PXDNL: variants seen among roughly 807,000 people sequenced by gnomAD.
PXDNL encodes the protein probable oxidoreductase PXDNL.
Under a neutral mutation model 150.8 loss-of-function variants are expected in PXDNL, and 145 were observed. The observed-to-expected ratio is 0.96, with a 90% CI of 0.84 to 1.10. The LOEUF (loss-of-function observed/expected upper bound fraction) is 1.10, where lower values mean the gene tolerates loss of function less well. Ranked by LOEUF, PXDNL falls within the 50% of genes least tolerant of loss-of-function variation. PXDNL has a pLI of 0.00. For synonymous variants in PXDNL, 757 were observed against 725.7 expected (o/e 1.04, Z -0.69); for missense variants, 2,087 against 1,873.9 (o/e 1.11, Z -2.10).
At chr8:51,379,179 CTTG>C (rs1000725100) in intron 17 of PXDNL, among the ~76,000 whole-genome samples, 6 of 152,038 alleles carry the variant, frequency 3.9e-5, no homozygotes, top group East Asian at 3.9e-4. Context: ...GCTCCGATAA[CTTG>C]TTATTTTCAA....
intron 1 of PXDNL, among the ~76,000 whole-genome samples, chr8:51,743,165 G>A (rs1350977182): frequency 1.3e-5 from 2 of 152,100 alleles, no homozygotes; most frequent in South Asian, 2.1e-4. Context: ...GGAAATCCAC[G>A]TGAGAGCCAA....
chr8:51,583,684 G>A (rs1470838019), intron 3 of PXDNL, among the ~76,000 whole-genome samples: 1 of 152,132 alleles, frequency 6.6e-6, no homozygotes, highest in Non-Finnish European at 1.5e-5. Flanking sequence ...GCCTAGTATA[G>A]TACTTCCATG....
Position 51,411,243 on chromosome 8 carries a change from GGCTGA to G in PXDNL, c.2062+2_2062+6del. On this transcript the variant is annotated splice_donor_variant and splice_donor_5th_base_variant and intron_variant, in intron 16 of 22. Transcript: ENST00000356297. LOFTEE classifies it high-confidence loss of function. ...TAGGCTGAGAATAAAATGGCTTTGTGGCTGACCTTTGCCTTCCAAGTCCACAGTGA... is the reference window on the plus strand; with the variant it reads ...TAGGCTGAGAATAAAATGGCTTTGTGCCTTTGCCTTCCAAGTCCACAGTGA... 6.9e-7 allele frequency: 1 copy of G among 1,447,462 alleles called. No individual in the cohort carries two copies. The highest frequency in any genetic ancestry group is 9.1e-7 in the Non-Finnish European group (1 of 1,098,552). 89.7% of individuals were successfully genotyped at this position (1,447,462 alleles called of 1,614,324 possible). A position where few individuals can be genotyped will look rare whatever the true frequency, so the allele number is the denominator to read the frequency against.
chr8:51,488,200 A>G (rs1043587193), intron 5 of PXDNL, among the ~76,000 whole-genome samples: 1 of 152,218 alleles, frequency 6.6e-6, no homozygotes, highest in Non-Finnish European at 1.5e-5. Flanking sequence ...AGAATGTGGA[A>G]GTTCACCAAC....
At chr8:51,695,224 G>GT (rs953934795) in intron 1 of PXDNL, among the ~76,000 whole-genome samples, 11 of 152,000 alleles carry the variant, frequency 7.2e-5, no homozygotes, top group African/African-American at 2.7e-4. Flanking sequence ...AATCAATATA[G>GT]TTTTTTGCTT....
chr8:51,574,239 C>T (rs953104268), intron 3 of PXDNL, among the ~76,000 whole-genome samples: 2 of 151,844 alleles, frequency 1.3e-5, no homozygotes, highest in African/African-American at 4.8e-5. Context: ...CAAACAGAAA[C>T]TTTAGAACTG....
At chr8:51,342,620 C>T (rs923788353) in intron 20 of PXDNL, among the ~76,000 whole-genome samples, 8 of 152,090 alleles carry the variant, frequency 5.3e-5, no homozygotes, top group Non-Finnish European at 1.0e-4. Context: ...ATGCCCTCTG[C>T]CTGGGAGCAG....
intron 1 of PXDNL, among the ~76,000 whole-genome samples, chr8:51,786,050 T>C (rs906990538): frequency 2.6e-5 from 4 of 151,918 alleles, no homozygotes; most frequent in Non-Finnish European, 5.9e-5. Context: ...CCACCAACCA[T>C]CCCCGCTTCA....
chr8:51,401,467 G>GTTTGA (rs1808247034), intron 17 of PXDNL, among the ~76,000 whole-genome samples: 1 of 152,154 alleles, frequency 6.6e-6, no homozygotes, highest in Non-Finnish European at 1.5e-5. Context: ...GCCCAGCTAT[G>GTTTGA]TTTGAGCAGC....
chr8:51,721,038 C>T (rs1816720914), intron 1 of PXDNL, among the ~76,000 whole-genome samples: 1 of 152,218 alleles, frequency 6.6e-6, no homozygotes. Flanking sequence ...GAAGCACTGT[C>T]TCAGAGGCTG....
intron 4 of PXDNL, among the ~76,000 whole-genome samples, chr8:51,544,159 T>C (rs1183703104): frequency 6.6e-6 from 1 of 152,196 alleles, no homozygotes; most frequent in East Asian, 1.9e-4. Flanking sequence ...TAAAAGTTCA[T>C]TATATCCTCT....
intron 17 of PXDNL, among the ~76,000 whole-genome samples, chr8:51,377,273 C>CAA (rs1807352518): frequency 7.0e-6 from 1 of 143,428 alleles, no homozygotes; most frequent in Non-Finnish European, 1.5e-5. Context: ...TTTTTTTTTT[C>CAA]TTTTTAAGAG....
At chr8:51,372,501 C>A (rs1807155299) in intron 18 of PXDNL, among the ~76,000 whole-genome samples, 1 of 152,236 alleles carries the variant, frequency 6.6e-6, no homozygotes, top group Non-Finnish European at 1.5e-5. Context: ...TCTCCTGCCT[C>A]AGCCTCCCAA....
At chr8:51,454,018 G>A (rs1448082771) in intron 9 of PXDNL, among the ~76,000 whole-genome samples, 1 of 152,012 alleles carries the variant, frequency 6.6e-6, no homozygotes, top group Non-Finnish European at 1.5e-5. Flanking sequence ...TTGATATCAC[G>A]ATGTGTTATA....
intron 1 of PXDNL, among the ~76,000 whole-genome samples, chr8:51,804,065 C>A (rs1313366608): frequency 2.0e-5 from 3 of 152,194 alleles, no homozygotes; most frequent in Non-Finnish European, 4.4e-5. Context: ...GTCCTGATGA[C>A]ATGATAGAGC....
rs1815019609 is a variant in PXDNL, at chr8:51,650,883, AC to A, written c.236+3805del. Among the ~76,000 whole-genome samples the A allele has an allele frequency of 2.0e-5, 3 of 152,228 alleles. No individual in the cohort carries two copies. The South Asian group carries it at 6.2e-4, about 31-fold the overall frequency. ...CCACTATCTTCTCAATACAAGCTTT[AC>A]AAAAAAAGCTACAGCTAATATCACG... On this transcript the variant is annotated intron_variant, in intron 2 of 22. Coordinates refer to ENST00000356297, the MANE Select transcript of PXDNL (RefSeq NM_144651.5).
At chr8:51,418,725 G>T (rs1808866607) in intron 14 of PXDNL, among the ~76,000 whole-genome samples, 1 of 152,144 alleles carries the variant, frequency 6.6e-6, no homozygotes, top group South Asian at 2.1e-4. Flanking sequence ...TCAAAGAAAA[G>T]GTCCCACTAA....
rs2037182808 is a variant in PXDNL, at chr8:51,763,135, CT to C, written c.164+46045del. Among the ~76,000 whole-genome samples, 10 of 152,160 alleles carry C rather than the reference CT, an allele frequency of 6.6e-5. 1 individual carries two copies. The South Asian group carries it at 2.1e-3, about 32-fold the overall frequency. On this transcript the variant is annotated intron_variant, in intron 1 of 22. Coordinates refer to ENST00000356297, the MANE Select transcript of PXDNL (RefSeq NM_144651.5). ...CCAGCCCCAGAAAATCACTAACCTG[CT>C]TTTCTGTCTCTGTCATTTGTCTATT... is the stretch of plus-strand genomic sequence containing the variant.
chr8:51,557,205 A>G (rs940326911), intron 3 of PXDNL, among the ~76,000 whole-genome samples: 1 of 152,180 alleles, frequency 6.6e-6, no homozygotes, highest in Non-Finnish European at 1.5e-5. Flanking sequence ...CAACTTCTCT[A>G]AGAAAAATAT....
Sources: gnomAD v4.1 joint callset for allele counts (sites outside exome capture counted in the v4.1 genomes callset) on GRCh38, gnomAD v4.1.1 for gene constraint, MANE v1.5 for transcripts, NCBI Gene and HGNC (gene_info 2026-07-23, HGNC 2026-07-21) for gene names.